The following DLC1 variants were observed in gnomAD, a reference collection of about 807,000 sequenced individuals.
DLC1 encodes the protein rho GTPase-activating protein 7.
In DLC1, 54 loss-of-function variants were observed where a neutral mutation model predicts 140.3. That is an observed-to-expected ratio of 0.38 (90% CI 0.31 to 0.48). The LOEUF is 0.48. DLC1 is among the 20% of genes least tolerant of loss of function. The pLI is 0.96. For synonymous variants in DLC1, 986 were observed against 728.1 expected (o/e 1.35, Z -5.70); for missense variants, 2,536 against 1,907.0 (o/e 1.33, Z -6.14).
At chr8:13,141,332 A>T (rs926707187) in intron 5 of DLC1, among the ~76,000 whole-genome samples, 2 of 150,440 alleles carry the variant, frequency 1.3e-5, no homozygotes, top group African/African-American at 2.4e-5. Context: ...CGAGTTTTTA[A>T]GAAATGTTTT....
chr8:13,489,101 C>T (rs1471649068), intron 2 of DLC1, among the ~76,000 whole-genome samples: 1 of 152,088 alleles, frequency 6.6e-6, no homozygotes, highest in African/African-American at 2.4e-5. Flanking sequence ...GTGCATGCCA[C>T]CATGCCTGGC....
chr8:13,222,798 C>T (rs534031792), intron 5 of DLC1, among the ~76,000 whole-genome samples: 41 of 152,234 alleles, frequency 2.7e-4, no homozygotes, highest in African/African-American at 9.4e-4. Flanking sequence ...GGGTGGAGTG[C>T]AGCGATGCAA....
intron 5 of DLC1, among the ~76,000 whole-genome samples, chr8:13,298,297 A>G (rs1832044343): frequency 6.6e-6 from 1 of 152,208 alleles, no homozygotes; most frequent in Non-Finnish European, 1.5e-5. Context: ...GGCCCCCTTT[A>G]CACGTTTCTG....
At chr8:13,431,482 C>CAAAGAAAAA (rs1838864215) in intron 2 of DLC1, among the ~76,000 whole-genome samples, 1 of 40,596 alleles carries the variant, frequency 2.5e-5, no homozygotes, top group Non-Finnish European at 3.9e-5. Flanking sequence ...GACTCCGTCT[C>CAAAGAAAAA]AAAAAAAAAA....
chr8:13,115,567 A>G lies in DLC1; in HGVS notation c.1420+19T>C. 1 of 1,608,880 alleles carries G rather than the reference A, an allele frequency of 6.2e-7. No homozygotes were observed. Among genetic ancestry groups the G allele is most frequent in the South Asian group, 1.1e-5 (1 of 89,968 alleles). On this transcript the variant is annotated intron_variant, in intron 6 of 17. Transcript: ENST00000276297. ...ATTATGATTATGCCAACTTTTAAAA[A>G]GTGGCATTCCCAGCTTACCTTCATA...
At chr8:13,311,092 C>T (rs1563243895) in intron 4 of DLC1, among the ~76,000 whole-genome samples, 1 of 152,018 alleles carries the variant, frequency 6.6e-6, no homozygotes, top group Non-Finnish European at 1.5e-5. Context: ...TATAAAAATT[C>T]AGAATGTTTG....
chr8:13,505,750 C>G (rs376744274), intron 1 of DLC1, among the ~76,000 whole-genome samples: 2 of 152,142 alleles, frequency 1.3e-5, no homozygotes, highest in Non-Finnish European at 2.9e-5. Flanking sequence ...TAGGTCAGTT[C>G]TTTCAGTTTC....
At chr8:13,205,219 C>A (rs375189081) in intron 5 of DLC1, among the ~76,000 whole-genome samples, 3 of 152,200 alleles carry the variant, frequency 2.0e-5, no homozygotes, top group Non-Finnish European at 4.4e-5. Flanking sequence ...GCTGGACTTA[C>A]TCTAAGGCAG....
At chr8:13,509,000 G>C (rs1347733244) in intron 1 of DLC1, among the ~76,000 whole-genome samples, 1 of 152,056 alleles carries the variant, frequency 6.6e-6, no homozygotes, top group Non-Finnish European at 1.5e-5. Flanking sequence ...ACAGGAAATA[G>C]CCTAGGGTTA....
intron 5 of DLC1, among the ~76,000 whole-genome samples, chr8:13,212,777 A>T (rs866046043): frequency 2.0e-4 from 30 of 152,132 alleles, no homozygotes; most frequent in African/African-American, 6.8e-4. Flanking sequence ...TGTGATATGT[A>T]AAGCATTTTC....
intron 2 of DLC1, among the ~76,000 whole-genome samples, chr8:13,427,554 G>C (rs181501406): frequency 3.8e-4 from 58 of 152,236 alleles, no homozygotes; most frequent in African/African-American, 1.4e-3. Flanking sequence ...CTGCTTTTCA[G>C]CTCAGCAGTC....
intron 1 of DLC1, among the ~76,000 whole-genome samples, chr8:13,575,038 A>G (rs946322068): frequency 2.0e-5 from 3 of 152,242 alleles, no homozygotes; most frequent in African/African-American, 7.2e-5. Flanking sequence ...TTTGAGAAAC[A>G]CAAAATGAAA....
At chr8:13,251,124 C>T (rs4375001) in intron 5 of DLC1, among the ~76,000 whole-genome samples, 1 of 152,038 alleles carries the variant, frequency 6.6e-6, no homozygotes, top group African/African-American at 2.4e-5. Context: ...CCTTTCCTTT[C>T]TATGTGCACT....
intron 5 of DLC1, among the ~76,000 whole-genome samples, chr8:13,218,001 G>A (rs536229533): frequency 6.6e-6 from 1 of 152,198 alleles, no homozygotes; most frequent in South Asian, 2.1e-4. Flanking sequence ...CATGACAGAA[G>A]CCAGTCCCCT....
intron 1 of DLC1, among the ~76,000 whole-genome samples, chr8:13,603,718 C>T (rs965015214): frequency 6.6e-6 from 1 of 151,990 alleles, no homozygotes; most frequent in African/African-American, 2.4e-5. Flanking sequence ...TGTGCAATTA[C>T]TTTAGGGAAG....
chr8:13,113,207 C>T (rs1251175622), intron 6 of DLC1, among the ~76,000 whole-genome samples: 1 of 152,164 alleles, frequency 6.6e-6, no homozygotes. Context: ...AGAAGATGTT[C>T]TCTGAACTCA....
At chr8:13,358,509 C>G (rs1563281956) in intron 4 of DLC1, among the ~76,000 whole-genome samples, 1 of 152,054 alleles carries the variant, frequency 6.6e-6, no homozygotes, top group Non-Finnish European at 1.5e-5. Flanking sequence ...TAATTTGCCA[C>G]CTAGTATTTT....
chr8:13,528,698 G>A (rs1563422142), intron 1 of DLC1, among the ~76,000 whole-genome samples: 1 of 151,782 alleles, frequency 6.6e-6, no homozygotes, highest in Admixed American at 6.6e-5. Flanking sequence ...TGAGCTGCAA[G>A]TTTTTTAATG....
intron 2 of DLC1, among the ~76,000 whole-genome samples, chr8:13,485,969 C>G (rs916511960): frequency 4.6e-5 from 7 of 152,174 alleles, no homozygotes; most frequent in Non-Finnish European, 8.8e-5. Context: ...AGCTAACTTC[C>G]TTTATCCTCT....
Sources: gnomAD v4.1 joint callset for allele counts (sites outside exome capture counted in the v4.1 genomes callset) on GRCh38, gnomAD v4.1.1 for gene constraint, MANE v1.5 for transcripts, NCBI Gene and HGNC (gene_info 2026-07-23, HGNC 2026-07-21) for gene names.